The following DENND2B variants were observed in gnomAD, a reference collection of about 807,000 sequenced individuals.
DENND2B encodes the protein DENN domain containing 2B.
Under a neutral mutation model 116.0 loss-of-function variants are expected in DENND2B, and 32 were observed. The ratio of observed to expected loss-of-function variants is 0.28; its 90% CI spans 0.21 to 0.37. DENND2B has a LOEUF of 0.37. Among genes scored for constraint, DENND2B ranks in the 10% least tolerant of loss-of-function variants. The pLI, the probability that DENND2B is intolerant of heterozygous loss-of-function variation, is 1.00. For missense variants in DENND2B, 1,276 were observed against 1,477.7 expected, an observed-to-expected ratio of 0.86 and a Z score of 2.24; for synonymous variants, 588 against 583.9, an observed-to-expected ratio of 1.01 and a Z score of -0.10.
intron 6 of DENND2B, chr11:8,715,316 T>A (rs1250601088): frequency 2.3e-6 from 1 of 435,136 alleles, no homozygotes; most frequent in African/African-American, 2.0e-5. Flanking sequence ...TGCTTATGTG[T>A]GCGGATACCC....
chr11:8,701,296 G>T (rs1410003032), intron 14 of DENND2B, among the ~76,000 whole-genome samples: 2 of 133,966 alleles, frequency 1.5e-5, no homozygotes, highest in East Asian at 2.5e-4. Flanking sequence ...AGAACATCAG[G>T]CGCCCTACAT....
chr11:8,756,742 C>G (rs1593227302), intron 1 of DENND2B, among the ~76,000 whole-genome samples: 1 of 152,178 alleles, frequency 6.6e-6, no homozygotes, highest in East Asian at 1.9e-4. Flanking sequence ...ACAAGCAGCC[C>G]CAGGCCCTCA....
chr11:8,873,549 C>T (rs2134715970), upstream of DENND2B, among the ~76,000 whole-genome samples: 1 of 152,294 alleles, frequency 6.6e-6, no homozygotes, highest in Admixed American at 6.5e-5. Flanking sequence ...TTATTAGAGA[C>T]ACTGACATCA....
At chr11:8,851,382 A>G (rs921069083) in intron 3 of DENND2B, among the ~76,000 whole-genome samples, 1 of 152,226 alleles carries the variant, frequency 6.6e-6, no homozygotes, top group Non-Finnish European at 1.5e-5. Flanking sequence ...GCCATTAAAT[A>G]TATGAGAAAA....
intron 1 of DENND2B, among the ~76,000 whole-genome samples, chr11:8,910,632 A>ATGTGTGTGTGT (rs1555224207): frequency 4.7e-5 from 3 of 64,180 alleles, no homozygotes; most frequent in African/African-American, 1.5e-4. Flanking sequence ...ACTCCTGGCT[A>ATGTGTGTGTGT]GTGTGTGTGT....
chr11:8,867,881 C>G (rs1439885071), intron 2 of DENND2B, among the ~76,000 whole-genome samples: 1 of 151,996 alleles, frequency 6.6e-6, no homozygotes, highest in East Asian at 1.9e-4. Flanking sequence ...CAGCACCTGG[C>G]CAAAATTCAG....
chr11:8,866,501 C>T (rs570843265), intron 2 of DENND2B, among the ~76,000 whole-genome samples: 2 of 152,288 alleles, frequency 1.3e-5, no homozygotes, highest in East Asian at 3.9e-4. Context: ...TGATCCCCAA[C>T]CAACAATGAG....
chr11:8,870,801 C>T (rs990839738), intron 2 of DENND2B: 1 of 152,282 alleles, frequency 6.6e-6, no homozygotes, highest in Non-Finnish European at 1.5e-5. Context: ...CCCCGCTCCT[C>T]TGCGCCTGCG....
intron 1 of DENND2B, among the ~76,000 whole-genome samples, chr11:8,786,565 C>T (rs941948004): frequency 3.9e-5 from 6 of 152,150 alleles, no homozygotes; most frequent in Non-Finnish European, 7.3e-5. Context: ...AATCCCAGCA[C>T]TTTGGGAGGC....
chr11:8,827,581 C>A (rs759732515), intron 4 of DENND2B, among the ~76,000 whole-genome samples: 3 of 152,216 alleles, frequency 2.0e-5, no homozygotes, highest in Middle Eastern at 3.2e-3. Context: ...ACTCTCTCTG[C>A]GTGCTCCCAA....
chr11:8,879,026 A>G (rs779049666), intron 2 of DENND2B, among the ~76,000 whole-genome samples: 29 of 152,228 alleles, frequency 1.9e-4, no homozygotes, highest in Non-Finnish European at 3.1e-4. Context: ...AATGGTTTTT[A>G]TGTTGTGTAA....
intron 1 of DENND2B, among the ~76,000 whole-genome samples, chr11:8,766,010 CAG>C (rs954958852): frequency 3.3e-5 from 5 of 151,912 alleles, no homozygotes; most frequent in African/African-American, 1.2e-4. Context: ...GCCTGGGTGA[CAG>C]AGTGAGACTT....
intron 1 of DENND2B, among the ~76,000 whole-genome samples, chr11:8,909,421 GGA>G (rs1289240797): frequency 0.014 from 721 of 49,856 alleles, 5 homozygotes; most frequent in African/African-American, 0.023. Flanking sequence ...AAGAGGAAGA[GGA>G]AGGAGGAGGA....
At chr11:8,903,238 C>A (rs945004547) in intron 1 of DENND2B, among the ~76,000 whole-genome samples, 5 of 151,520 alleles carry the variant, frequency 3.3e-5, no homozygotes, top group African/African-American at 1.2e-4. Flanking sequence ...CATGGTGAAA[C>A]CCTGTCTCTA....
At chr11:8,886,374 A>G (rs988634421) in intron 1 of DENND2B, among the ~76,000 whole-genome samples, 2 of 152,176 alleles carry the variant, frequency 1.3e-5, no homozygotes, top group African/African-American at 2.4e-5. Context: ...AGAGCATTCT[A>G]AAGTGTTAGA....
intron 2 of DENND2B, among the ~76,000 whole-genome samples, chr11:8,743,825 C>A (rs2134004087): frequency 6.6e-6 from 1 of 151,866 alleles, no homozygotes; most frequent in East Asian, 1.9e-4. Context: ...TGGCTCACTG[C>A]AGCCTTGACC....
intron 2 of DENND2B, among the ~76,000 whole-genome samples, chr11:8,880,639 T>C (rs2063894504): frequency 6.6e-6 from 1 of 151,964 alleles, no homozygotes; most frequent in Admixed American, 6.6e-5. Flanking sequence ...AAGCTAGGAG[T>C]TCGAGGTCAC....
intron 4 of DENND2B, among the ~76,000 whole-genome samples, chr11:8,827,628 G>T (rs1337828147): frequency 1.3e-5 from 2 of 152,206 alleles, no homozygotes; most frequent in East Asian, 1.9e-4. Context: ...GTCACAGAGG[G>T]TCCAAGACCC....
intron 1 of DENND2B, among the ~76,000 whole-genome samples, chr11:8,895,365 G>C (rs931671616): frequency 1.3e-5 from 2 of 152,136 alleles, no homozygotes; most frequent in Non-Finnish European, 1.5e-5. Context: ...CCTGCACGTT[G>C]TGCACATGTA....
Sources: allele counts gnomAD v4.1 joint callset (sites outside exome capture counted in the v4.1 genomes callset), GRCh38; gene constraint gnomAD v4.1.1; transcripts MANE v1.5; gene names NCBI Gene and HGNC (gene_info 2026-07-23, HGNC 2026-07-21).